The following MACROD2 variants were observed in gnomAD, a reference collection of about 807,000 sequenced individuals.
MACROD2 encodes mono-ADP ribosylhydrolase 2.
Under a neutral mutation model 70.4 loss-of-function variants are expected in MACROD2, and 36 were observed. The observed-to-expected ratio is 0.51, with a 90% CI of 0.39 to 0.68. The LOEUF is 0.68. Among genes scored for constraint, MACROD2 ranks in the 30% least tolerant of loss-of-function variants. MACROD2 has a pLI of 0.00. For missense variants in MACROD2, 496 were observed against 538.4 expected, an observed-to-expected ratio of 0.92 and a Z score of 0.78; for synonymous variants, 172 against 178.8, an observed-to-expected ratio of 0.96 and a Z score of 0.30.
At chr20:14,369,416 A>G (rs6033952) in intron 3 of MACROD2, among the ~76,000 whole-genome samples, 35,081 of 152,126 alleles carry the variant, frequency 0.23, 4,160 homozygotes, top group East Asian at 0.33. Context: ...GAGCAGGGGC[A>G]AATACAAACA....
chr20:14,827,983 C>T lies in MACROD2; in HGVS notation c.418+143024C>T, dbSNP rs540926837. Reference sequence around the variant, plus strand: ...GATCACACCATCTTTTGTTTTCCTTCTTTTAAAATTTTTATTTTTTGATTA... The same window carrying T: ...GATCACACCATCTTTTGTTTTCCTTTTTTTAAAATTTTTATTTTTTGATTA... On this transcript the variant is annotated intron_variant, in intron 5 of 17. Transcript: ENST00000684519. Among the ~76,000 whole-genome samples, 3 of 151,956 alleles carry T rather than the reference C, an allele frequency of 2.0e-5. No homozygotes were observed. In the East Asian group the frequency reaches 5.8e-4, roughly 29 times the overall value.
intron 6 of MACROD2, among the ~76,000 whole-genome samples, chr20:15,392,205 A>G (rs767292109): frequency 6.6e-6 from 1 of 152,212 alleles, no homozygotes; most frequent in Non-Finnish European, 1.5e-5. Context: ...GAACTACAGG[A>G]AAGTGTCTTT....
intron 6 of MACROD2, among the ~76,000 whole-genome samples, chr20:15,364,524 T>C (rs187368888): frequency 1.1e-4 from 16 of 152,364 alleles, no homozygotes; most frequent in Admixed American, 2.6e-4. Flanking sequence ...CTCTGGTTCT[T>C]ATTGACTATC....
chr20:14,127,062 A>C (rs2054660879), intron 3 of MACROD2, among the ~76,000 whole-genome samples: 1 of 152,208 alleles, frequency 6.6e-6, no homozygotes, highest in Non-Finnish European at 1.5e-5. Context: ...GCAAGAGGCC[A>C]AAAATGAGGC....
At chr20:14,101,286 A>G (rs577137488) in intron 3 of MACROD2, among the ~76,000 whole-genome samples, 41 of 152,210 alleles carry the variant, frequency 2.7e-4, no homozygotes, top group African/African-American at 9.4e-4. Context: ...AATTCATTCA[A>G]TAAATATTTA....
At chr20:14,641,095 G>A (rs1985066307) in intron 4 of MACROD2, among the ~76,000 whole-genome samples, 1 of 152,162 alleles carries the variant, frequency 6.6e-6, no homozygotes, top group Admixed American at 6.6e-5. Context: ...TGTCAACTAA[G>A]TTTATGTAAT....
At position 15,967,990 on chromosome 20, in the gene MACROD2, A is replaced by G. The variant is rs562633103; in HGVS notation, c.985+360A>G. Among the ~76,000 whole-genome samples, 43 of 152,368 alleles carry G rather than the reference A, an allele frequency of 2.8e-4. No homozygotes were observed. In the South Asian group the frequency reaches 8.5e-3, roughly 30 times the overall value. On this transcript the variant is annotated intron_variant, in intron 13 of 17. Transcript: ENST00000684519. ...AATAAATGCAGGGGATTAAATCCAC[A>G]TAGTCTTGGGATATCAAGAAGGGAG...
At chr20:14,658,789 A>G (rs769427119) in intron 4 of MACROD2, among the ~76,000 whole-genome samples, 3 of 151,968 alleles carry the variant, frequency 2.0e-5, no homozygotes, top group Non-Finnish European at 4.4e-5. Context: ...AGTTTTTTGT[A>G]TTTTAGTAGA....
chr20:14,603,373 C>G (rs1446587792), intron 4 of MACROD2, among the ~76,000 whole-genome samples: 1 of 152,106 alleles, frequency 6.6e-6, no homozygotes, highest in East Asian at 1.9e-4. Flanking sequence ...TAGCCTGTAA[C>G]AGGGCTGGCT....
At chr20:14,345,060 G>C (rs1601512958) in intron 3 of MACROD2, among the ~76,000 whole-genome samples, 1 of 152,122 alleles carries the variant, frequency 6.6e-6, no homozygotes, top group Admixed American at 6.5e-5. Context: ...GAAAGGACTA[G>C]CAAAATATAA....
At chr20:15,538,643 C>T (rs1183444067) in intron 8 of MACROD2, among the ~76,000 whole-genome samples, 3 of 152,094 alleles carry the variant, frequency 2.0e-5, no homozygotes, top group African/African-American at 7.2e-5. Context: ...GAGAAGAGAG[C>T]AAGGCCCATT....
intron 8 of MACROD2, among the ~76,000 whole-genome samples, chr20:15,694,772 T>G (rs139755498): frequency 0.044 from 6,669 of 152,324 alleles, 295 homozygotes; most frequent in East Asian, 0.21. Context: ...TTTTGGGTTC[T>G]TGGTCATGAA....
intron 3 of MACROD2, among the ~76,000 whole-genome samples, chr20:14,279,665 A>G (rs2082289499): frequency 6.6e-6 from 1 of 152,160 alleles, no homozygotes; most frequent in Non-Finnish European, 1.5e-5. Flanking sequence ...ATGACAAAGT[A>G]TTTGACTCTT....
At chr20:14,231,674 T>C (rs1420971045) in intron 3 of MACROD2, among the ~76,000 whole-genome samples, 8 of 152,176 alleles carry the variant, frequency 5.3e-5, no homozygotes, top group East Asian at 3.9e-4. Flanking sequence ...ATGGCTGGGT[T>C]AAATGGTCTT....
chr20:14,050,909 G>C (rs1313773103), intron 2 of MACROD2, among the ~76,000 whole-genome samples: 4 of 152,162 alleles, frequency 2.6e-5, no homozygotes, highest in Non-Finnish European at 5.9e-5. Flanking sequence ...TAAGTGACAT[G>C]GGGCACGGAA....
intron 3 of MACROD2, among the ~76,000 whole-genome samples, chr20:14,165,480 A>AT (rs1394450728): frequency 1.3e-5 from 2 of 152,104 alleles, no homozygotes; most frequent in Non-Finnish European, 2.9e-5. Flanking sequence ...TAGAGGATCT[A>AT]TTTTAAGTGT....
chr20:14,610,841 T>G (rs1162616638), intron 4 of MACROD2, among the ~76,000 whole-genome samples: 1 of 152,154 alleles, frequency 6.6e-6, no homozygotes, highest in Non-Finnish European at 1.5e-5. Flanking sequence ...TTATTATTGT[T>G]ATTGTTATTC....
intron 4 of MACROD2, among the ~76,000 whole-genome samples, chr20:14,538,196 G>A (rs1030982653): frequency 2.0e-5 from 3 of 152,214 alleles, no homozygotes; most frequent in African/African-American, 7.2e-5. Context: ...GTGGGAGGGG[G>A]TGGAGCATAT....
At chr20:15,501,399 A>G (rs1201335533) in intron 8 of MACROD2, among the ~76,000 whole-genome samples, 1 of 152,220 alleles carries the variant, frequency 6.6e-6, no homozygotes. Context: ...GCATAAAGTC[A>G]TATCATCGAG....
Sources: gnomAD v4.1 joint callset for allele counts (sites outside exome capture counted in the v4.1 genomes callset) on GRCh38, gnomAD v4.1.1 for gene constraint, MANE v1.5 for transcripts, NCBI Gene and HGNC (gene_info 2026-07-23, HGNC 2026-07-21) for gene names.